Variants in VPS13C observed in about 807,000 individuals in gnomAD.
VPS13C encodes vacuolar protein sorting 13 homolog C.
In VPS13C, 358 loss-of-function variants were observed where a neutral mutation model predicts 456.8. That is an observed-to-expected ratio of 0.78 (90% CI 0.72 to 0.86). The LOEUF is 0.86. Ranked by LOEUF, VPS13C falls within the 40% of genes least tolerant of loss-of-function variation. VPS13C has a pLI of 0.00. For synonymous variants in VPS13C, 1,578 were observed against 1,486.7 expected, an observed-to-expected ratio of 1.06 and a Z score of -1.41; for missense variants, 4,818 against 4,385.4, an observed-to-expected ratio of 1.10 and a Z score of -2.79.
chr15:62,032,184 C>G (rs2047842375), intron 5 of VPS13C, among the ~76,000 whole-genome samples: 1 of 151,676 alleles, frequency 6.6e-6, no homozygotes, highest in Non-Finnish European at 1.5e-5. Context: ...AATTCTAGTG[C>G]TCTCCAATTC....
chr15:62,037,285 ATATTATAT>A lies in VPS13C; in HGVS notation c.188-2241_188-2234del, dbSNP rs2048060868. On this transcript the variant is annotated intron_variant, in intron 3 of 84. Transcript: ENST00000644861. Reference sequence around the variant, plus strand: ...TATTATATTATATAATATATTATATATATTATATTATATAATATATATATAAATATATT... The same window carrying A: ...TATTATATTATATAATATATTATATATATATAATATATATATAAATATATT... Among the ~76,000 whole-genome samples, 7 of 72,438 alleles carry A rather than the reference ATATTATAT, an allele frequency of 9.7e-5. 1 individual carries two copies. The Admixed American group carries it at 1.6e-3, about 16-fold the overall frequency. 47.5% of individuals were successfully genotyped at this position (72,438 alleles called of 152,430 possible).
rs537767415 is a variant in VPS13C, at chr15:61,905,402, G to C, written c.9105+1862C>G. Among the ~76,000 whole-genome samples the C allele has an allele frequency of 2.7e-4, 41 of 152,188 alleles. No individual in the cohort carries two copies. In the South Asian group the frequency reaches 8.3e-3, roughly 31 times the overall value. The stretch of plus-strand genomic sequence containing the variant: ...ACAGAAGTCTTGTAAAAAACTTACA[G>C]TTAAATCTTATGTTGTAATTTAATC... On this transcript the variant is annotated intron_variant, in intron 66 of 84. Coordinates refer to ENST00000644861, the MANE Select transcript of VPS13C (RefSeq NM_020821.3).
At chr15:62,020,618 G>A in intron 8 of VPS13C, 80 bp from the exon 9 acceptor site, 8 of 1,425,214 alleles carry the variant, frequency 5.6e-6, no homozygotes, top group Non-Finnish European at 7.8e-6. Flanking sequence ...GCAGCAGAGG[G>A]AAATGTGTTT....
chr15:62,002,613 G>T (rs1026535381), intron 15 of VPS13C, among the ~76,000 whole-genome samples: 17 of 152,164 alleles, frequency 1.1e-4, no homozygotes, highest in Non-Finnish European at 2.2e-4. Flanking sequence ...GTCCTGAATG[G>T]TAATGTCTAG....
At chr15:62,060,247 A>C (rs751560108) in intron 1 of VPS13C, 28 bp downstream of exon 1, 2 of 1,437,278 alleles carry the variant, frequency 1.4e-6, no homozygotes, top group Non-Finnish European at 1.9e-6. Context: ...CAGCGCCCGC[A>C]GCCCACTGGC....
chr15:62,042,079 T>C (rs1334059083), intron 2 of VPS13C, among the ~76,000 whole-genome samples: 2 of 152,116 alleles, frequency 1.3e-5, no homozygotes, highest in Non-Finnish European at 2.9e-5. Context: ...GAACAACAGT[T>C]CTCTCTCAAA....
chr15:62,057,099 G>A (rs552008854), intron 1 of VPS13C, among the ~76,000 whole-genome samples: 33 of 151,956 alleles, frequency 2.2e-4, no homozygotes, highest in African/African-American at 6.5e-4. Context: ...ACACTCTCTC[G>A]TCGCCGCACA....
chr15:61,875,182 A>G (rs1012422444), intron 76 of VPS13C, among the ~76,000 whole-genome samples: 1 of 152,078 alleles, frequency 6.6e-6, no homozygotes. Flanking sequence ...TTGGATAGGT[A>G]TAAATCACTG....
chr15:62,010,621 T>C, intron 12 of VPS13C, 22 bp from the exon 13 acceptor site: 1 of 1,602,264 alleles, frequency 6.2e-7, no homozygotes, highest in Non-Finnish European at 8.5e-7. Context: ...TGGGAAGACA[T>C]AAGATATGTT....
At chr15:61,909,227 C>A in intron 64 of VPS13C, 102 bp from the exon 65 acceptor site, 1 of 1,436,904 alleles carries the variant, frequency 7.0e-7, no homozygotes, top group African/African-American at 1.4e-5. Flanking sequence ...TGGTTTTTTT[C>A]GAGACAGAGT....
chr15:62,037,461 T>TAATATAATAAATTTATATTGTAAG (rs2048097539), intron 3 of VPS13C, among the ~76,000 whole-genome samples: 1 of 81,746 alleles, frequency 1.2e-5, no homozygotes, highest in African/African-American at 4.3e-5. Flanking sequence ...TATATAAATA[T>TAATATAATAAATTTATATTGTAAG]AATATAATAA....
chr15:61,959,688 C>G, intron 35 of VPS13C, 93 bp from the exon 36 acceptor site: 6 of 1,249,316 alleles, frequency 4.8e-6, no homozygotes, highest in South Asian at 1.6e-5. Context: ...ATTTGCTGCT[C>G]TAAATACTGA....
chr15:61,974,502 A>G (rs2045647795), intron 24 of VPS13C, 85 bp from the exon 25 acceptor site: 2 of 1,405,170 alleles, frequency 1.4e-6, no homozygotes, highest in African/African-American at 2.9e-5. Context: ...TTAGATTAAA[A>G]CATGCCTAAA....
At chr15:61,893,388 C>G (rs1258297990) in intron 66 of VPS13C, among the ~76,000 whole-genome samples, 1 of 151,994 alleles carries the variant, frequency 6.6e-6, no homozygotes, top group Non-Finnish European at 1.5e-5. Flanking sequence ...TCCAACAAAG[C>G]TTTGTTTCAA....
chr15:61,884,995 T>C (rs74464904), intron 67 of VPS13C, among the ~76,000 whole-genome samples: 2,605 of 152,190 alleles, frequency 0.017, 88 homozygotes, highest in African/African-American at 0.06. Flanking sequence ...AGCTCCTCAA[T>C]TGCACAAATG....
chr15:61,978,614 A>G lies in VPS13C; in HGVS notation c.2290+12T>C, dbSNP rs756979019. 7 of 1,609,062 alleles carry G rather than the reference A, an allele frequency of 4.4e-6. No individual in the cohort carries two copies. The highest frequency in any genetic ancestry group is 1.7e-4 in the Middle Eastern group (1 of 6,048). On this transcript the variant is annotated intron_variant, in intron 23 of 84. Coordinates refer to ENST00000644861, the MANE Select transcript of VPS13C (RefSeq NM_020821.3). ...ATAATCCCAAGATCCTAAAAGCTGA[A>G]TAACGGTTTACCTGCTCTTGCAAAA...
At position 62,020,510 on chromosome 15, in the gene VPS13C, A is replaced by G; in HGVS notation, c.653T>C (p.Phe218Ser). Residue 218 changes from phenylalanine (F) to serine (S), a missense_variant, in exon 9 of 85, where the codon TTT becomes TCT. Phe to Ser is a radical substitution (Grantham distance 155). Transcript: ENST00000644861. The stretch of plus-strand genomic sequence containing the variant: ...ACTAAGCTCTCCCAGTGTGACACCA[A>G]ATGAAAGAGGCCGCTTTGGATCAGT... Reference protein sequence around the residue: ...DVTDPKRPLSFGVTLGELSLL... With the variant: ...DVTDPKRPLSSGVTLGELSLL... 2.5e-6 allele frequency: 4 copies of G among 1,611,842 alleles called. No homozygotes were observed. Among genetic ancestry groups the G allele is most frequent in the Non-Finnish European group, 3.4e-6 (4 of 1,178,594 alleles).
intron 1 of VPS13C, among the ~76,000 whole-genome samples, chr15:62,051,863 A>T (rs1023449260): frequency 3.9e-5 from 6 of 152,210 alleles, no homozygotes; most frequent in African/African-American, 1.4e-4. Flanking sequence ...AGTACTTTTT[A>T]AAAATCTATT....
In VPS13C at chr15:61,962,468, T is replaced by A; in HGVS notation, c.3506A>T (p.Asp1169Val). The change falls in exon 34 of 85, where the codon GAT becomes GTT. Residue 1169 changes from aspartate to valine, a missense_variant. Coordinates refer to ENST00000644861, the MANE Select transcript of VPS13C (RefSeq NM_020821.3). ...LDLYPDATEGDLYTDMSKVDG... is the reference protein window; with the variant it reads ...LDLYPDATEGVLYTDMSKVDG... Reference sequence around the variant, plus strand: ...CACTTTGGACATGTCAGTATACAAATCCCCCTCAGTAGCATCTGGATACAA... The same window carrying A: ...CACTTTGGACATGTCAGTATACAAAACCCCCTCAGTAGCATCTGGATACAA... The A allele has an allele frequency of 6.2e-7, 1 of 1,611,884 alleles. No homozygotes were observed. The highest frequency in any genetic ancestry group is 8.5e-7 in the Non-Finnish European group (1 of 1,178,746).
Sources: allele counts gnomAD v4.1 joint callset (sites outside exome capture counted in the v4.1 genomes callset), GRCh38; gene constraint gnomAD v4.1.1; transcripts MANE v1.5; gene names NCBI Gene and HGNC (gene_info 2026-07-23, HGNC 2026-07-21).